Variants in EBF1 observed in about 807,000 individuals in gnomAD.
The protein encoded by EBF1 is transcription factor COE1.
EBF1 carries 10 observed loss-of-function variants against 68.4 expected under a neutral mutation model. The ratio of observed to expected loss-of-function variants is 0.15; its 90% CI spans 0.09 to 0.25. The LOEUF (loss-of-function observed/expected upper bound fraction) is 0.25, where lower values mean the gene tolerates loss of function less well. Among genes scored for constraint, EBF1 ranks in the 10% least tolerant of loss-of-function variants. The probability of loss-of-function intolerance (pLI) is 1.00; values close to 1 mark genes in which losing one functional copy is unlikely to be tolerated. For missense variants in EBF1, 509 were observed against 794.4 expected, an observed-to-expected ratio of 0.64 and a Z score of 4.32; for synonymous variants, 298 against 299.8, an observed-to-expected ratio of 0.99 and a Z score of 0.06.
chr5:158,888,345 A>G (rs1347638902), intron 6 of EBF1, among the ~76,000 whole-genome samples: 1 of 152,134 alleles, frequency 6.6e-6, no homozygotes, highest in Non-Finnish European at 1.5e-5. Flanking sequence ...ACCAGAAAGA[A>G]TACTGACTAT....
rs541357006 is a variant in EBF1 at position 159,094,958 on chromosome 5, G to C, written c.411+662C>G. ...CCTTAATGTATACTGCTTGACACCC[G>C]CGTGTTGGGAGCTTAAGAAAATGCC... On this transcript the variant is annotated intron_variant, in intron 4 of 15. Coordinates refer to ENST00000313708, the MANE Select transcript of EBF1 (RefSeq NM_024007.5). Among the ~76,000 whole-genome samples the C allele has an allele frequency of 4.6e-5, 7 of 152,136 alleles. No individual in the cohort carries two copies. In the South Asian group the frequency reaches 1.5e-3, roughly 32 times the overall value.
intron 11 of EBF1, among the ~76,000 whole-genome samples, chr5:158,718,838 A>C (rs1299500224): frequency 6.6e-6 from 1 of 152,166 alleles, no homozygotes; most frequent in Non-Finnish European, 1.5e-5. Context: ...AGCACAGCAC[A>C]GAAGTATATA....
intron 6 of EBF1, among the ~76,000 whole-genome samples, chr5:159,010,198 G>A (rs936002931): frequency 2.0e-5 from 3 of 152,192 alleles, no homozygotes; most frequent in Non-Finnish European, 2.9e-5. Context: ...AAAAAGTCAC[G>A]ATATCCTCGC....
intron 6 of EBF1, among the ~76,000 whole-genome samples, chr5:158,901,722 T>C (rs947037969): frequency 6.6e-6 from 1 of 152,166 alleles, no homozygotes; most frequent in African/African-American, 2.4e-5. Context: ...TTTAGAGATA[T>C]GAAAAGGGAG....
chr5:158,734,049 C>A (rs1245101287), intron 10 of EBF1, among the ~76,000 whole-genome samples: 2 of 152,038 alleles, frequency 1.3e-5, no homozygotes, highest in African/African-American at 2.4e-5. Context: ...AAAGCAATGC[C>A]ATAGGAAAAA....
At chr5:158,837,466 G>A (rs1006347788) in intron 7 of EBF1, among the ~76,000 whole-genome samples, 3 of 152,176 alleles carry the variant, frequency 2.0e-5, no homozygotes. Flanking sequence ...GATATAAGCA[G>A]AAGTGTCAAT....
At chr5:159,090,807 G>GTAATAATAATAATAA (rs138049191) in intron 4 of EBF1, among the ~76,000 whole-genome samples, 213 of 149,278 alleles carry the variant, frequency 1.4e-3, no homozygotes, top group Middle Eastern at 3.5e-3. Flanking sequence ...ACCCAATGGG[G>GTAATAATAATAATAA]TAATAATAAT....
intron 6 of EBF1, among the ~76,000 whole-genome samples, chr5:159,032,457 C>T (rs998879688): frequency 1.1e-4 from 17 of 152,172 alleles, no homozygotes; most frequent in Admixed American, 2.0e-4. Flanking sequence ...ACTGGCTCCT[C>T]GATCAGCTCT....
At chr5:158,924,155 A>T (rs1257617947) in intron 6 of EBF1, among the ~76,000 whole-genome samples, 1 of 152,188 alleles carries the variant, frequency 6.6e-6, no homozygotes, top group Non-Finnish European at 1.5e-5. Flanking sequence ...CATCTACATC[A>T]GCTCTGCCCC....
chr5:158,784,946 A>T (rs1353333701), intron 9 of EBF1, among the ~76,000 whole-genome samples: 1 of 152,120 alleles, frequency 6.6e-6, no homozygotes, highest in African/African-American at 2.4e-5. Flanking sequence ...TGCTCTGTGG[A>T]GGTGCTGATA....
chr5:158,781,891 T>C (rs888087450), intron 9 of EBF1, among the ~76,000 whole-genome samples: 2 of 152,200 alleles, frequency 1.3e-5, no homozygotes, highest in Non-Finnish European at 1.5e-5. Flanking sequence ...TATTATGCCC[T>C]GCCTCAAACC....
intron 8 of EBF1, among the ~76,000 whole-genome samples, chr5:158,808,192 G>C (rs1781954947): frequency 6.6e-6 from 1 of 152,062 alleles, no homozygotes; most frequent in Non-Finnish European, 1.5e-5. Flanking sequence ...GCAAAGAATG[G>C]GAAGTCCACT....
At chr5:159,079,816 T>C (rs988660618) in intron 5 of EBF1, among the ~76,000 whole-genome samples, 4 of 152,058 alleles carry the variant, frequency 2.6e-5, no homozygotes. Context: ...GGTTTCACCA[T>C]GTTGGCCAGA....
At chr5:158,795,847 A>G (rs1779526945) in intron 9 of EBF1, among the ~76,000 whole-genome samples, 1 of 152,192 alleles carries the variant, frequency 6.6e-6, no homozygotes, top group South Asian at 2.1e-4. Context: ...TTGTGGTTCT[A>G]GGTTCTCCCA....
intron 6 of EBF1, among the ~76,000 whole-genome samples, chr5:158,878,779 G>T (rs1037100473): frequency 1.3e-5 from 2 of 151,992 alleles, no homozygotes; most frequent in African/African-American, 4.8e-5. Flanking sequence ...GAGTAGCTGG[G>T]ATTACAGGGA....
At chr5:158,729,785 T>G (rs1484615513) in intron 11 of EBF1, among the ~76,000 whole-genome samples, 1 of 152,236 alleles carries the variant, frequency 6.6e-6, no homozygotes, top group Non-Finnish European at 1.5e-5. Context: ...CTCTGAAAAC[T>G]GAAGGTGTTT....
chr5:158,880,015 T>G (rs1187635720), intron 6 of EBF1, among the ~76,000 whole-genome samples: 1 of 152,196 alleles, frequency 6.6e-6, no homozygotes, highest in Non-Finnish European at 1.5e-5. Flanking sequence ...GTTAAAGGAC[T>G]AGCCCCAAAT....
At chr5:158,772,005 G>A (rs973593646) in intron 10 of EBF1, among the ~76,000 whole-genome samples, 3 of 152,100 alleles carry the variant, frequency 2.0e-5, no homozygotes, top group African/African-American at 7.2e-5. Context: ...AAAGTGAGCT[G>A]GAGGCACAGC....
chr5:158,753,590 A>G (rs1212208159), intron 10 of EBF1, among the ~76,000 whole-genome samples: 1 of 152,148 alleles, frequency 6.6e-6, no homozygotes, highest in East Asian at 1.9e-4. Context: ...AAGGAAATCA[A>G]TCAACCAGAT....
Sources: allele counts gnomAD v4.1 joint callset (sites outside exome capture counted in the v4.1 genomes callset), GRCh38; gene constraint gnomAD v4.1.1; transcripts MANE v1.5; gene names NCBI Gene and HGNC (gene_info 2026-07-23, HGNC 2026-07-21).